The following RELCH variants were observed in gnomAD, a reference collection of about 807,000 sequenced individuals.
The protein encoded by RELCH is RAB11-binding protein RELCH.
RELCH carries 41 observed loss-of-function variants against 150.3 expected under a neutral mutation model. That is an observed-to-expected ratio of 0.27 (90% CI 0.21 to 0.35). RELCH has a LOEUF of 0.35. Among genes scored for constraint, RELCH ranks in the 10% least tolerant of loss-of-function variants. The probability of loss-of-function intolerance (pLI) is 1.00; values close to 1 mark genes in which losing one functional copy is unlikely to be tolerated. For missense variants in RELCH, 1,092 were observed against 1,467.8 expected (o/e 0.74, Z 4.18); for synonymous variants, 478 against 531.8 (o/e 0.90, Z 1.39).
Position 62,307,457 on chromosome 18 carries a change from TG to T in RELCH, c.*1924del, listed in dbSNP as rs1222476365. On this transcript the variant is annotated 3_prime_UTR_variant, in exon 29 of 29. Transcript: ENST00000644646. Reference sequence around the variant, plus strand: ...ATGAATATATTTATTTAAGTGCTAATGTTTTTTTAAAGGCAATAGTAGGCAA... The same window carrying T: ...ATGAATATATTTATTTAAGTGCTAATTTTTTTTAAAGGCAATAGTAGGCAA... 7 of 152,292 alleles carry T rather than the reference TG, an allele frequency of 4.6e-5. No individual in the cohort carries two copies. In the East Asian group the frequency reaches 1.2e-3, roughly 25 times the overall value. 9.4% of individuals were successfully genotyped at this position (152,292 alleles called of 1,614,324 possible).
chr18:62,230,371 A>C (rs563561051), intron 8 of RELCH, among the ~76,000 whole-genome samples: 1 of 152,192 alleles, frequency 6.6e-6, no homozygotes, highest in Non-Finnish European at 1.5e-5. Flanking sequence ...CTCTGAGGGA[A>C]TATGAGAGGA....
At chr18:62,245,388 C>T (rs1242008607) in intron 11 of RELCH, among the ~76,000 whole-genome samples, 5 of 152,074 alleles carry the variant, frequency 3.3e-5, no homozygotes, top group African/African-American at 4.8e-5. Context: ...CTTTGGGAGG[C>T]GGAGGCAGGC....
intron 11 of RELCH, 97 bp from the exon 12 acceptor site, chr18:62,252,567 A>G: frequency 1.2e-6 from 1 of 801,526 alleles, no homozygotes; most frequent in East Asian, 2.6e-5. Context: ...AAAATCTTGT[A>G]CTCTATGTGA....
intron 27 of RELCH, among the ~76,000 whole-genome samples, chr18:62,297,143 A>G (rs1001652600): frequency 2.0e-5 from 3 of 152,188 alleles, no homozygotes; most frequent in African/African-American, 7.2e-5. Flanking sequence ...TAGACTTGAG[A>G]TATCGGGCAT....
chr18:62,285,127 G>T (rs1296635183), intron 25 of RELCH, among the ~76,000 whole-genome samples: 1 of 150,002 alleles, frequency 6.7e-6, no homozygotes, highest in Non-Finnish European at 1.5e-5. Flanking sequence ...TTTTTTGTTT[G>T]TTTGTTTGTT....
At chr18:62,293,194 G>T (rs1352426450) in intron 27 of RELCH, among the ~76,000 whole-genome samples, 4 of 152,086 alleles carry the variant, frequency 2.6e-5, no homozygotes, top group Non-Finnish European at 5.9e-5. Flanking sequence ...ACACTCAAAG[G>T]CTATATTACA....
At chr18:62,260,193 C>CAAAAAAAAAAAAAAAAAAAAA (rs377119786) in intron 15 of RELCH, among the ~76,000 whole-genome samples, 1 of 95,810 alleles carries the variant, frequency 1.0e-5, no homozygotes, top group Non-Finnish European at 2.0e-5. Context: ...AACTCAACAG[C>CAAAAAAAAAAAAAAAAAAAAA]AAAAAAAAAA....
chr18:62,251,112 A>G (rs1035661673), intron 11 of RELCH, among the ~76,000 whole-genome samples: 1 of 152,180 alleles, frequency 6.6e-6, no homozygotes, highest in African/African-American at 2.4e-5. Flanking sequence ...AATGAAGATA[A>G]TGTATTAGTT....
At chr18:62,279,130 A>C (rs1284106254) in intron 22 of RELCH, among the ~76,000 whole-genome samples, 4 of 152,178 alleles carry the variant, frequency 2.6e-5, no homozygotes, top group African/African-American at 9.6e-5. Flanking sequence ...TATGGAAAAT[A>C]CTATGTATCT....
rs980779725 is a variant in RELCH, at chr18:62,188,685, C to T, written c.526+654C>T. On this transcript the variant is annotated intron_variant, in intron 1 of 28. Coordinates refer to ENST00000644646, the MANE Select transcript of RELCH (RefSeq NM_001346231.2). ...TTCTACCAGCAGTCTGTCTCACCAT[C>T]CCACCACCTTGCAGGCTTTTCTCTT... Among the ~76,000 whole-genome samples the T allele has an allele frequency of 2.6e-5, 4 of 152,344 alleles. No individual in the cohort carries two copies. The East Asian group carries it at 7.7e-4, about 29-fold the overall frequency.
intron 10 of RELCH, among the ~76,000 whole-genome samples, chr18:62,242,934 A>T (rs2042223186): frequency 6.6e-6 from 1 of 152,144 alleles, no homozygotes; most frequent in African/African-American, 2.4e-5. Flanking sequence ...GAAAAATAGT[A>T]TGAGAAGTAT....
At chr18:62,258,156 T>A in intron 14 of RELCH, 68 bp downstream of exon 14, 1 of 1,326,502 alleles carries the variant, frequency 7.5e-7, no homozygotes, top group Non-Finnish European at 1.1e-6. Context: ...ATTCCAAATC[T>A]CTGATTTAGA....
chr18:62,283,663 T>TTA (rs1381556343), intron 25 of RELCH, among the ~76,000 whole-genome samples: 10 of 152,180 alleles, frequency 6.6e-5, no homozygotes, highest in African/African-American at 2.4e-4. Context: ...GTAAGTGTCT[T>TTA]TATAATTAGC....
intron 1 of RELCH, among the ~76,000 whole-genome samples, chr18:62,197,156 A>G (rs2039105038): frequency 6.6e-6 from 1 of 152,196 alleles, no homozygotes; most frequent in African/African-American, 2.4e-5. Context: ...CTCCCTGCTT[A>G]CCATCATCTG....
intron 26 of RELCH, 30 bp from the exon 27 acceptor site, chr18:62,291,513 G>A (rs773112035): frequency 1.4e-5 from 20 of 1,465,784 alleles, no homozygotes; most frequent in Non-Finnish European, 1.9e-5. Context: ...ATTTGGTTTT[G>A]TTTAATTCCC....
rs375289138 is a variant in RELCH, at chr18:62,306,937, A to G, written c.*1403A>G. ...TCAAGTTTATAAAACAATTTGCCAT[A>G]GGCAAAGCCATTTAAAAAGTTCATT... On this transcript the variant is annotated 3_prime_UTR_variant, in exon 29 of 29. Coordinates refer to ENST00000644646, the MANE Select transcript of RELCH (RefSeq NM_001346231.2). The G allele has an allele frequency of 6.6e-6, 1 of 152,636 alleles. No individual in the cohort carries two copies. Among genetic ancestry groups the G allele is most frequent in the Non-Finnish European group, 1.5e-5 (1 of 68,022 alleles). The allele number at this position is 152,636 out of a possible 1,614,324, so 9.5% of individuals were successfully genotyped here.
intron 5 of RELCH, among the ~76,000 whole-genome samples, chr18:62,222,885 C>T (rs980849551): frequency 1.1e-4 from 16 of 150,806 alleles, no homozygotes; most frequent in African/African-American, 2.2e-4. Context: ...TTCCAAATAA[C>T]GCATGAGTTA....
intron 1 of RELCH, among the ~76,000 whole-genome samples, chr18:62,196,388 C>T (rs2039049135): frequency 6.6e-6 from 1 of 152,166 alleles, no homozygotes; most frequent in African/African-American, 2.4e-5. Flanking sequence ...CACCACCACA[C>T]CTGGCTAATT....
intron 24 of RELCH, 130 bp from the exon 25 acceptor site, chr18:62,282,176 C>A: frequency 1.6e-6 from 1 of 606,610 alleles, no homozygotes; most frequent in South Asian, 2.5e-5. Context: ...TTCCAAATTT[C>A]TACTGTCATT....
Sources: allele counts gnomAD v4.1 joint callset (sites outside exome capture counted in the v4.1 genomes callset), GRCh38; gene constraint gnomAD v4.1.1; transcripts MANE v1.5; gene names NCBI Gene and HGNC (gene_info 2026-07-23, HGNC 2026-07-21).